Variants in AK4 observed in about 807,000 individuals in gnomAD.
AK4 encodes the protein adenylate kinase 4.
AK4 carries 13 observed loss-of-function variants against 24.6 expected under a neutral mutation model. That is an observed-to-expected ratio of 0.53 (90% CI 0.34 to 0.84). The LOEUF is 0.84. Among genes scored for constraint, AK4 ranks in the 40% least tolerant of loss-of-function variants. The pLI is 0.01. For synonymous variants in AK4, 88 were observed against 107.0 expected, an observed-to-expected ratio of 0.82 and a Z score of 1.10; for missense variants, 192 against 288.2, an observed-to-expected ratio of 0.67 and a Z score of 2.42.
chr1:65,218,491 A>G (rs977838305), intron 2 of AK4, among the ~76,000 whole-genome samples: 1 of 152,220 alleles, frequency 6.6e-6, no homozygotes, highest in Non-Finnish European at 1.5e-5. Context: ...TATTACATTT[A>G]TGGAGGTAGA....
At chr1:65,209,919 T>G (rs1651920505) in intron 2 of AK4, among the ~76,000 whole-genome samples, 1 of 152,120 alleles carries the variant, frequency 6.6e-6, no homozygotes, top group African/African-American at 2.4e-5. Flanking sequence ...GCGATCCTCC[T>G]GCCTCAGCCT....
Position 65,218,836 on chromosome 1 carries a change from TG to T in AK4, c.349del (p.Glu117LysfsTer40). 6.2e-7 allele frequency: 1 copy of T among 1,608,080 alleles called. No individual in the cohort carries two copies. The highest frequency in any genetic ancestry group is 8.5e-7 in the Non-Finnish European group (1 of 1,177,324). On this transcript the variant is annotated frameshift_variant, in exon 3 of 5. Transcript: ENST00000327299. LOFTEE classifies it high-confidence loss of function. ...TAGTGATCAGTTTGAATATTCCATT[TG>T]AAACACTTAAAGATCGTCTCAGCCG... ...DLVISLNIPFETLKDRLSRRW... is the reference protein window; with the variant it reads ...DLVISLNIPFXTLKDRLSRRW...
At chr1:65,181,948 C>G (rs1443181971) in intron 1 of AK4, among the ~76,000 whole-genome samples, 1 of 152,126 alleles carries the variant, frequency 6.6e-6, no homozygotes, top group African/African-American at 2.4e-5. Flanking sequence ...GAGTGCCTCT[C>G]TCTGTTGCCC....
chr1:65,192,276 A>G (rs1285780657), intron 2 of AK4, among the ~76,000 whole-genome samples: 1 of 152,238 alleles, frequency 6.6e-6, no homozygotes, highest in African/African-American at 2.4e-5. Flanking sequence ...AAGGCATCAA[A>G]TGGGGAAGAA....
chr1:65,180,849 T>A (rs1298678116), intron 1 of AK4, among the ~76,000 whole-genome samples: 1 of 152,128 alleles, frequency 6.6e-6, no homozygotes, highest in African/African-American at 2.4e-5. Flanking sequence ...TTATTAGTGA[T>A]GTTTTGGCGA....
chr1:65,164,082 A>G (rs1351006733), intron 1 of AK4, among the ~76,000 whole-genome samples: 1 of 152,170 alleles, frequency 6.6e-6, no homozygotes, highest in Non-Finnish European at 1.5e-5. Context: ...CATGACCCCT[A>G]AACTGTAATT....
intron 2 of AK4, among the ~76,000 whole-genome samples, chr1:65,192,197 G>T (rs1470489749): frequency 1.3e-5 from 2 of 152,200 alleles, no homozygotes; most frequent in Non-Finnish European, 2.9e-5. Flanking sequence ...TGGTTCTAGA[G>T]GCTGGAAAGT....
At chr1:65,207,936 C>T (rs752865571) in intron 2 of AK4, among the ~76,000 whole-genome samples, 1 of 152,160 alleles carries the variant, frequency 6.6e-6, no homozygotes, top group Admixed American at 6.5e-5. Flanking sequence ...ATTTCTTTAT[C>T]CAGTCCATCA....
chr1:65,218,424 ATCTTTGAG>A lies in AK4; in HGVS notation c.266-325_266-318del, dbSNP rs1652196795. ...TAAATTTTTATCATATGATTCCTTA[ATCTTTGAG>A]TCTTCCAAATGCAGAAGCTAGGTTA... is the stretch of plus-strand genomic sequence containing the variant. On this transcript the variant is annotated intron_variant, in intron 2 of 4. Coordinates refer to ENST00000327299, the MANE Select transcript of AK4 (RefSeq NM_013410.4). Among the ~76,000 whole-genome samples the A allele has an allele frequency of 2.0e-5, 3 of 152,176 alleles. No homozygotes were observed. The South Asian group carries it at 6.2e-4, about 32-fold the overall frequency.
intron 2 of AK4, among the ~76,000 whole-genome samples, chr1:65,199,607 CT>C (rs1426917559): frequency 6.6e-6 from 1 of 152,082 alleles, no homozygotes; most frequent in East Asian, 1.9e-4. Context: ...CAGTGTTCCC[CT>C]GAATGCTGTG....
chr1:65,178,340 G>A (rs563089418), intron 1 of AK4, among the ~76,000 whole-genome samples: 44 of 152,322 alleles, frequency 2.9e-4, no homozygotes, highest in African/African-American at 1.0e-3. Flanking sequence ...TAAGGGGTGT[G>A]TGAGGCCTGT....
chr1:65,210,580 A>G (rs1258718224), intron 2 of AK4, among the ~76,000 whole-genome samples: 1 of 152,126 alleles, frequency 6.6e-6, no homozygotes, highest in Non-Finnish European at 1.5e-5. Flanking sequence ...TCTGTTACCG[A>G]GGACTTTCTC....
intron 1 of AK4, among the ~76,000 whole-genome samples, chr1:65,165,430 C>T (rs1316012837): frequency 3.3e-5 from 5 of 152,052 alleles, no homozygotes; most frequent in Non-Finnish European, 5.9e-5. Flanking sequence ...CACCTTTTGT[C>T]CCAGCTACTT....
chr1:65,193,584 G>A (rs1651376652), intron 2 of AK4, among the ~76,000 whole-genome samples: 1 of 152,124 alleles, frequency 6.6e-6, no homozygotes, highest in Non-Finnish European at 1.5e-5. Context: ...TTAACTATAT[G>A]GTTATCCCTC....
chr1:65,202,668 T>A (rs1465704396), intron 2 of AK4, among the ~76,000 whole-genome samples: 1 of 152,094 alleles, frequency 6.6e-6, no homozygotes, highest in Non-Finnish European at 1.5e-5. Flanking sequence ...GGGAATTGGA[T>A]GAATTAAGAA....
chr1:65,216,461 C>G (rs1364804947), intron 2 of AK4, among the ~76,000 whole-genome samples: 1 of 152,170 alleles, frequency 6.6e-6, no homozygotes, highest in Admixed American at 6.5e-5. Context: ...GAGCCAAGCC[C>G]TCCCTGCCTC....
intron 2 of AK4, among the ~76,000 whole-genome samples, chr1:65,212,812 G>T (rs1557465788): frequency 1.3e-5 from 2 of 152,202 alleles, no homozygotes; most frequent in South Asian, 4.1e-4. Flanking sequence ...CATATGCATT[G>T]TGCTGTTGGC....
At chr1:65,185,942 C>T (rs180771829) in intron 1 of AK4, among the ~76,000 whole-genome samples, 1 of 151,964 alleles carries the variant, frequency 6.6e-6, no homozygotes, top group Non-Finnish European at 1.5e-5. Context: ...CTCATGATCA[C>T]ACTTTGCTTG....
chr1:65,219,782 T>C (rs1257948898), intron 3 of AK4, among the ~76,000 whole-genome samples: 1 of 152,216 alleles, frequency 6.6e-6, no homozygotes, highest in East Asian at 1.9e-4. Flanking sequence ...TTTCGTTTTT[T>C]ATAGTCTATG....
Sources: gnomAD v4.1 joint callset for allele counts (sites outside exome capture counted in the v4.1 genomes callset) on GRCh38, gnomAD v4.1.1 for gene constraint, MANE v1.5 for transcripts, NCBI Gene and HGNC (gene_info 2026-07-23, HGNC 2026-07-21) for gene names.